COQ8A: variants seen among roughly 807,000 people sequenced by gnomAD.
COQ8A encodes coenzyme Q8A, also known as atypical kinase COQ8A, mitochondrial.
In COQ8A, 51 loss-of-function variants were observed where a neutral mutation model predicts 65.0. The observed-to-expected ratio is 0.78, with a 90% CI of 0.63 to 0.99. The LOEUF is 0.99. Ranked by LOEUF, COQ8A falls within the 50% of genes least tolerant of loss-of-function variation. The pLI is 0.00. For synonymous variants in COQ8A, 371 were observed against 353.2 expected, an observed-to-expected ratio of 1.05 and a Z score of -0.57; for missense variants, 940 against 875.0, an observed-to-expected ratio of 1.07 and a Z score of -0.94.
rs1039534599 is a variant in COQ8A, at chr1:226,983,309, G to C, written c.1081-243G>C. On this transcript the variant is annotated intron_variant, in intron 8 of 14. Coordinates refer to ENST00000366777, the MANE Select transcript of COQ8A (RefSeq NM_020247.5). ...GACAAGTGATTGCTTTTTGGGGCCA[G>C]AGCTGGTGGGAGGGTGGCCGTGAGC... The C allele has an allele frequency of 4.6e-6, 3 of 657,840 alleles. No individual in the cohort carries two copies. In the African/African-American group the frequency reaches 5.4e-5, roughly 12 times the overall value. 40.8% of individuals were successfully genotyped at this position (657,840 alleles called of 1,614,324 possible).
At chr1:226,943,391 C>G (rs987097911) in intron 1 of COQ8A, among the ~76,000 whole-genome samples, 10 of 152,138 alleles carry the variant, frequency 6.6e-5, no homozygotes, top group Non-Finnish European at 1.2e-4. Context: ...GAAAGGAGAG[C>G]TGGTGGGAGT....
rs934680551 is a variant in COQ8A at position 226,984,199 on chromosome 1, C to T, written c.1362C>T (p.Asp454=). 1.9e-6 allele frequency: 3 copies of T among 1,613,696 alleles called. No homozygotes were observed. In the African/African-American group the frequency reaches 4.0e-5, roughly 22 times the overall value. The change falls in exon 11 of 15, where the codon GAC becomes GAT. Residue 454 remains aspartate, a synonymous_variant. Transcript: ENST00000366777. The part of the protein sequence containing the change: ...TTELVSGFPL[D]QAEGLSQEIR... ...AGCTGGTGTCTGGCTTCCCCCTGGA[C>T]CAGGCCGAAGGGCTCAGCCAGGAGA... is the stretch of plus-strand genomic sequence containing the variant.
intron 1 of COQ8A, among the ~76,000 whole-genome samples, chr1:226,957,143 T>TGCTCTCCCTGGCTTCC (rs1278726857): frequency 2.6e-4 from 37 of 140,114 alleles, no homozygotes; most frequent in African/African-American, 1.0e-3. Context: ...CCCTGGCTCC[T>TGCTCTCCCTGGCTTCC]GCTCTCCCTG....
chr1:226,940,735 C>A (rs985321006), intron 1 of COQ8A, among the ~76,000 whole-genome samples: 1 of 152,340 alleles, frequency 6.6e-6, no homozygotes, highest in East Asian at 1.9e-4. Context: ...GCCCGTTGCC[C>A]ATGCCCTTTG....
At chr1:226,947,661 T>C (rs1409975961) in intron 1 of COQ8A, among the ~76,000 whole-genome samples, 2 of 151,922 alleles carry the variant, frequency 1.3e-5, no homozygotes, top group African/African-American at 4.8e-5. Flanking sequence ...ACAAACAAAT[T>C]AGCCAGGTGT....
chr1:226,956,132 T>A (rs1017042485), intron 1 of COQ8A, among the ~76,000 whole-genome samples: 1 of 140,506 alleles, frequency 7.1e-6, no homozygotes, highest in African/African-American at 2.9e-5. Flanking sequence ...GTTCACACTC[T>A]CCCTGGTTCC....
chr1:226,944,332 G>C (rs891544996), intron 1 of COQ8A, among the ~76,000 whole-genome samples: 1 of 152,074 alleles, frequency 6.6e-6, no homozygotes, highest in Admixed American at 6.5e-5. Context: ...GGGTGGAGGA[G>C]AAGCAGAGCC....
intron 11 of COQ8A, 99 bp from the exon 12 acceptor site, chr1:226,984,449 G>T: frequency 1.5e-6 from 2 of 1,317,300 alleles, no homozygotes; most frequent in Non-Finnish European, 2.2e-6. Flanking sequence ...CCTAGGGTAG[G>T]GTGGGTAAAA....
At position 226,982,821 on chromosome 1, in the gene COQ8A, G is replaced by A. The variant is rs1659786887; in HGVS notation, c.939+58G>A. Reference sequence around the variant, plus strand: ...GGCCTCGGCCCCCACTGGGTGGAGGGGACAGACTTGGGGCTTCTCCCGGTG... The same window carrying A: ...GGCCTCGGCCCCCACTGGGTGGAGGAGACAGACTTGGGGCTTCTCCCGGTG... On this transcript the variant is annotated intron_variant, in intron 7 of 14. Coordinates refer to ENST00000366777, the MANE Select transcript of COQ8A (RefSeq NM_020247.5). 17 of 1,612,656 alleles carry A rather than the reference G, an allele frequency of 1.1e-5. No individual in the cohort carries two copies. The East Asian group carries it at 3.8e-4, about 36-fold the overall frequency.
At chr1:226,943,917 G>C (rs553088464) in intron 1 of COQ8A, among the ~76,000 whole-genome samples, 6 of 152,246 alleles carry the variant, frequency 3.9e-5, no homozygotes, top group African/African-American at 1.4e-4. Flanking sequence ...CTGGAAATGG[G>C]TTCGGTTGTT....
At chr1:226,964,866 G>A (rs572315914) in intron 2 of COQ8A, 134 bp from the exon 3 acceptor site, 2 of 1,026,652 alleles carry the variant, frequency 1.9e-6, no homozygotes, top group Non-Finnish European at 2.9e-6. Context: ...GGCCTCAGGT[G>A]CAGCACTGTG....
chr1:226,984,243 T>C lies in COQ8A; in HGVS notation c.1398+8T>C, dbSNP rs764228214. Reference sequence around the variant, plus strand: ...CAGGAGATTCGGAACGAGGTTTGTCTGTGCCAGCAGACAGGTGGGGCCAGG... The same window carrying C: ...CAGGAGATTCGGAACGAGGTTTGTCCGTGCCAGCAGACAGGTGGGGCCAGG... On this transcript the variant is annotated splice_region_variant and intron_variant, in intron 11 of 14. Coordinates refer to ENST00000366777, the MANE Select transcript of COQ8A (RefSeq NM_020247.5). The C allele has an allele frequency of 1.2e-6, 2 of 1,613,412 alleles. No homozygotes were observed. Among genetic ancestry groups the C allele is most frequent in the South Asian group, 2.2e-5 (2 of 91,078 alleles).
rs1187292589 is a variant in COQ8A at position 226,946,905 on chromosome 1, G to A, written c.-10+6506G>A. On this transcript the variant is annotated intron_variant, in intron 1 of 14. Coordinates refer to ENST00000366777, the MANE Select transcript of COQ8A (RefSeq NM_020247.5). This position sits in a 1 kb window ranked among gnomAD's most constrained non-coding sequence, Gnocchi z 5.3. ...TGCACACCCAGAGGCAGTCTTCAGT[G>A]TAGGGCGTCTGCCTCTTTCCACTAT... 6.6e-6 allele frequency among the ~76,000 whole-genome samples: 1 copy of A among 151,988 alleles called. No individual in the cohort carries two copies. Among genetic ancestry groups the A allele is most frequent in the Non-Finnish European group, 1.5e-5 (1 of 67,968 alleles).
At chr1:226,965,782 G>T (rs746389612) in intron 4 of COQ8A, 45 bp downstream of exon 4, 1 of 1,592,594 alleles carries the variant, frequency 6.3e-7, no homozygotes, top group Non-Finnish European at 8.6e-7. Context: ...TGCCCTGCCT[G>T]GGCACCACGC....
At chr1:226,982,647 G>T (rs1379855169) in intron 6 of COQ8A, 31 bp from the exon 7 acceptor site, 3 of 1,609,958 alleles carry the variant, frequency 1.9e-6, no homozygotes, top group Admixed American at 1.7e-5. Context: ...TAATCCCCAG[G>T]TTCGCCCTGT....
intron 4 of COQ8A, among the ~76,000 whole-genome samples, chr1:226,971,879 G>A (rs1412579874): frequency 2.6e-5 from 4 of 152,148 alleles, no homozygotes; most frequent in Non-Finnish European, 5.9e-5. Context: ...ATCTTGAACT[G>A]TGGCTTCCAT....
intron 8 of COQ8A, 170 bp from the exon 9 acceptor site, chr1:226,983,382 T>G: frequency 1.4e-6 from 1 of 716,042 alleles, no homozygotes; most frequent in Non-Finnish European, 2.4e-6. Flanking sequence ...AACGAGGCTG[T>G]GATGGGGTCC....
chr1:226,951,038 G>T (rs1657342820), intron 1 of COQ8A, among the ~76,000 whole-genome samples: 1 of 152,178 alleles, frequency 6.6e-6, no homozygotes, highest in South Asian at 2.1e-4. Context: ...CTCTCTGCCG[G>T]GGCAGACAGG....
At chr1:226,960,513 G>C (rs902126775) in intron 1 of COQ8A, among the ~76,000 whole-genome samples, 8 of 150,774 alleles carry the variant, frequency 5.3e-5, no homozygotes, top group East Asian at 2.0e-4. Flanking sequence ...CTTGGTGGTG[G>C]TGGTGGTGCT....
Sources: gnomAD v4.1 joint callset for allele counts (sites outside exome capture counted in the v4.1 genomes callset) on GRCh38, gnomAD v4.1.1 for gene constraint, Gnocchi (gnomAD v3.1) non-coding constraint, MANE v1.5 for transcripts, NCBI Gene and HGNC (gene_info 2026-07-23, HGNC 2026-07-21) for gene names.